The following WDR76 variants were observed in gnomAD, a reference collection of about 807,000 sequenced individuals.
WDR76 encodes the protein WD repeat domain 76.
In WDR76, 52 loss-of-function variants were observed where a neutral mutation model predicts 70.2. That is an observed-to-expected ratio of 0.74 (90% CI 0.59 to 0.93). The LOEUF is 0.93. Ranked by LOEUF, WDR76 falls within the 40% of genes least tolerant of loss-of-function variation. The pLI is 0.00. For missense variants in WDR76, 756 were observed against 760.2 expected, an observed-to-expected ratio of 0.99 and a Z score of 0.07; for synonymous variants, 292 against 271.1, an observed-to-expected ratio of 1.08 and a Z score of -0.76.
intron 2 of WDR76, 31 bp downstream of exon 2, chr15:43,828,397 TTC>T: frequency 6.5e-7 from 1 of 1,546,296 alleles, no homozygotes; most frequent in South Asian, 1.2e-5. Context: ...TTGTTCTGGT[TTC>T]TCTTTTTTGA....
intron 8 of WDR76, among the ~76,000 whole-genome samples, chr15:43,850,766 A>G (rs1301288722): frequency 6.6e-6 from 1 of 152,192 alleles, no homozygotes; most frequent in Non-Finnish European, 1.5e-5. Flanking sequence ...TAGCAATTAT[A>G]CCATGTGTGA....
chr15:43,861,204 C>G, intron 11 of WDR76, 129 bp from the exon 12 acceptor site: 4 of 814,520 alleles, frequency 4.9e-6, no homozygotes, highest in Non-Finnish European at 7.9e-6. Context: ...CGGCCTGATC[C>G]TACATATTTT....
At chr15:43,840,523 C>T (rs1205373305) in intron 5 of WDR76, among the ~76,000 whole-genome samples, 2 of 152,012 alleles carry the variant, frequency 1.3e-5, no homozygotes. Flanking sequence ...ATTTTTTATT[C>T]AAGAACACCT....
At chr15:43,853,907 AAAAAAAAAC>A (rs1322315277) in intron 9 of WDR76, among the ~76,000 whole-genome samples, 3 of 151,522 alleles carry the variant, frequency 2.0e-5, no homozygotes, top group African/African-American at 4.8e-5. Context: ...CTGTCTCAAA[AAAAAAAAAC>A]AAAAAAAAAC....
rs550377688 is a variant in WDR76, at chr15:43,861,362, A to G, written c.1592A>G (p.Lys531Arg). ...RIFDSSCISS[K>R]IPLLTTIRHN... ...TTTGACAGCAGCTGTATATCTTCTA[A>G]GATTCCGCTCCTCACCACCATCAGG... Residue 531 changes from lysine to arginine, a missense_variant, in exon 12 of 13, where the codon AAG becomes AGG. Physicochemically the swap from Lys to Arg is conservative, Grantham distance 26. Coordinates refer to ENST00000263795, the MANE Select transcript of WDR76 (RefSeq NM_024908.4). 60 of 1,614,040 alleles carry G rather than the reference A, an allele frequency of 3.7e-5. No homozygotes were observed. The South Asian group carries it at 6.6e-4, about 18-fold the overall frequency.
At chr15:43,861,814 C>G (rs897013336) in intron 12 of WDR76, among the ~76,000 whole-genome samples, 3 of 148,462 alleles carry the variant, frequency 2.0e-5, no homozygotes, top group African/African-American at 7.4e-5. Flanking sequence ...GCATCAACTA[C>G]TTTGAATGTA....
intron 9 of WDR76, among the ~76,000 whole-genome samples, chr15:43,855,115 T>C (rs2087912874): frequency 6.6e-6 from 1 of 152,228 alleles, no homozygotes; most frequent in Non-Finnish European, 1.5e-5. Context: ...TTATATGATT[T>C]GTAGACTTTT....
chr15:43,830,875 T>G lies in WDR76; in HGVS notation c.462+2509T>G, dbSNP rs2918947. ...CAGCCTGGCCAACATGGTGAAAGCCTGTCTCTCCTAAATATAACAAATATT... is the reference window on the plus strand; with the variant it reads ...CAGCCTGGCCAACATGGTGAAAGCCGGTCTCTCCTAAATATAACAAATATT... On this transcript the variant is annotated intron_variant, in intron 2 of 12. Coordinates refer to ENST00000263795, the MANE Select transcript of WDR76 (RefSeq NM_024908.4). Among the ~76,000 whole-genome samples the G allele has an allele frequency of 2.1e-3, 316 of 152,020 alleles. 2 individuals are homozygous for G. The highest frequency in any genetic ancestry group is 3.2e-3 in the Non-Finnish European group (217 of 67,988).
chr15:43,854,791 A>T (rs920914842), intron 9 of WDR76, among the ~76,000 whole-genome samples: 1 of 152,018 alleles, frequency 6.6e-6, no homozygotes, highest in South Asian at 2.1e-4. Context: ...TCTACTAAAA[A>T]CACAAAAAAT....
chr15:43,860,828 A>G (rs1228077232), intron 11 of WDR76, among the ~76,000 whole-genome samples: 1 of 151,152 alleles, frequency 6.6e-6, no homozygotes, highest in Non-Finnish European at 1.5e-5. Flanking sequence ...ACGCTAAACT[A>G]TAAGCACTGA....
chr15:43,850,332 G>A (rs1185158180), intron 8 of WDR76, among the ~76,000 whole-genome samples: 1 of 150,726 alleles, frequency 6.6e-6, no homozygotes, highest in Non-Finnish European at 1.5e-5. Context: ...GTCTTGCTCT[G>A]TCACCCAGGC....
At chr15:43,849,758 G>C (rs1402532153) in intron 8 of WDR76, among the ~76,000 whole-genome samples, 1 of 152,050 alleles carries the variant, frequency 6.6e-6, no homozygotes, top group Non-Finnish European at 1.5e-5. Context: ...GGCTGGTCTT[G>C]AATTCCTGAC....
chr15:43,867,138 T>C lies in WDR76; in HGVS notation c.*746T>C, dbSNP rs187084204. The C allele has an allele frequency of 2.0e-5, 3 of 152,302 alleles. No individual in the cohort carries two copies. The highest frequency in any genetic ancestry group is 4.4e-5 in the Non-Finnish European group (3 of 68,026). 9.4% of individuals were successfully genotyped at this position (152,302 alleles called of 1,614,324 possible). A position where few individuals can be genotyped will look rare whatever the true frequency, so the allele number is the denominator to read the frequency against. ...TAATGTAACTCAGTGATTTTAAAAC[T>C]TGATTTTTTTAACTGAGAACTTTTT... On this transcript the variant is annotated 3_prime_UTR_variant, in exon 13 of 13. Coordinates refer to ENST00000263795, the MANE Select transcript of WDR76 (RefSeq NM_024908.4).
intron 4 of WDR76, 102 bp downstream of exon 4, chr15:43,836,318 G>C: frequency 3.9e-6 from 4 of 1,021,002 alleles, no homozygotes; most frequent in Non-Finnish European, 5.6e-6. Flanking sequence ...AGATCATAAA[G>C]TGCTATTTAA....
chr15:43,839,651 C>G lies in WDR76; in HGVS notation c.655C>G (p.Arg219Gly), dbSNP rs766455715. The change falls in exon 5 of 13, where the codon CGA becomes GGA. Residue 219 changes from arginine (R) to glycine (G), a missense_variant. Transcript: ENST00000263795. ...ENGIGCRRSM[R>G]LLKVDPSGVS... is the part of the protein sequence containing the mutation. ...TGGGATTGGATGTAGAAGGTCAATG[C>G]GATTACTAAAAGTTGATCCTTCGGG... The G allele has an allele frequency of 6.2e-7, 1 of 1,612,414 alleles. No homozygotes were observed. Among genetic ancestry groups the G allele is most frequent in the South Asian group, 1.1e-5 (1 of 90,866 alleles).
At chr15:43,846,037 TG>T (rs2087784477) in intron 8 of WDR76, among the ~76,000 whole-genome samples, 1 of 149,732 alleles carries the variant, frequency 6.7e-6, no homozygotes, top group Non-Finnish European at 1.5e-5. Flanking sequence ...AGCAAAAAAG[TG>T]GGAAGAAGAT....
chr15:43,833,280 T>C (rs2087613042), intron 2 of WDR76, among the ~76,000 whole-genome samples: 1 of 152,010 alleles, frequency 6.6e-6, no homozygotes, highest in Non-Finnish European at 1.5e-5. Context: ...TCCTCCTGCT[T>C]TGGTCTCCCA....
chr15:43,862,806 C>A (rs540301396), intron 12 of WDR76, among the ~76,000 whole-genome samples: 5 of 152,284 alleles, frequency 3.3e-5, no homozygotes, highest in South Asian at 2.1e-4. Context: ...CCACACCCAG[C>A]CTAATTTCTG....
intron 2 of WDR76, among the ~76,000 whole-genome samples, chr15:43,831,917 T>G (rs2087594906): frequency 1.3e-5 from 2 of 151,918 alleles, no homozygotes; most frequent in Non-Finnish European, 2.9e-5. Context: ...TACTGTAACT[T>G]TTTGTTTTTT....
Sources: allele counts gnomAD v4.1 joint callset (sites outside exome capture counted in the v4.1 genomes callset), GRCh38; gene constraint gnomAD v4.1.1; transcripts MANE v1.5; gene names NCBI Gene and HGNC (gene_info 2026-07-23, HGNC 2026-07-21).